SYT1: variants seen among roughly 807,000 people sequenced by gnomAD.
SYT1 encodes synaptotagmin 1.
In SYT1, 8 loss-of-function variants were observed where a neutral mutation model predicts 44.8. The observed-to-expected ratio is 0.18, with a 90% CI of 0.10 to 0.32. The LOEUF (loss-of-function observed/expected upper bound fraction) is 0.32, where lower values mean the gene tolerates loss of function less well. Among genes scored for constraint, SYT1 ranks in the 10% least tolerant of loss-of-function variants. The probability of loss-of-function intolerance (pLI) is 1.00; values close to 1 mark genes in which losing one functional copy is unlikely to be tolerated. For synonymous variants in SYT1, 154 were observed against 188.8 expected, an observed-to-expected ratio of 0.82 and a Z score of 1.51; for missense variants, 286 against 509.3, an observed-to-expected ratio of 0.56 and a Z score of 4.22.
At chr12:78,910,227 T>C (rs1294229904) in intron 1 of SYT1, among the ~76,000 whole-genome samples, 2 of 151,984 alleles carry the variant, frequency 1.3e-5, no homozygotes. Flanking sequence ...CCATGTGGCA[T>C]AGTAGGTGTT....
At chr12:79,017,177 A>G (rs1871863705) in intron 2 of SYT1, among the ~76,000 whole-genome samples, 1 of 152,198 alleles carries the variant, frequency 6.6e-6, no homozygotes, top group Non-Finnish European at 1.5e-5. Context: ...ATAGGTAGAT[A>G]TTCACTTTAA....
intron 3 of SYT1, among the ~76,000 whole-genome samples, chr12:79,123,905 A>T (rs1565816639): frequency 1.3e-5 from 2 of 152,214 alleles, no homozygotes; most frequent in Non-Finnish European, 2.9e-5. Flanking sequence ...GAGGAGGCTA[A>T]TTAAAGACTC....
chr12:79,360,950 G>A (rs1255247007), intron 9 of SYT1, among the ~76,000 whole-genome samples: 1 of 152,150 alleles, frequency 6.6e-6, no homozygotes, highest in African/African-American at 2.4e-5. Flanking sequence ...TCTGCCTGAA[G>A]GACTAAAAGT....
chr12:79,428,022 C>T (rs1179588144), intron 9 of SYT1, among the ~76,000 whole-genome samples: 1 of 152,174 alleles, frequency 6.6e-6, no homozygotes, highest in East Asian at 1.9e-4. Flanking sequence ...TTCAAAGTCA[C>T]AGGACTTCTG....
intron 8 of SYT1, among the ~76,000 whole-genome samples, chr12:79,349,186 A>AGGAAGGAAGGGGAAGGAAGGAACGAT (rs1882780608): frequency 6.6e-6 from 1 of 151,538 alleles, no homozygotes. Flanking sequence ...GACGGAGGGA[A>AGGAAGGAAGGGGAAGGAAGGAACGAT]GGAAGGAAGG....
intron 2 of SYT1, 49 bp downstream of exon 2, chr12:78,977,980 C>A (rs1868968574): frequency 6.6e-6 from 1 of 152,176 alleles, no homozygotes; most frequent in Non-Finnish European, 1.5e-5. Flanking sequence ...TGATCAACCT[C>A]CTTTATCCAT....
At chr12:79,376,038 T>C (rs761924191) in intron 9 of SYT1, among the ~76,000 whole-genome samples, 7 of 152,256 alleles carry the variant, frequency 4.6e-5, no homozygotes, top group Non-Finnish European at 2.9e-5. Context: ...ATAATGTTTA[T>C]TTTCTTGAGC....
chr12:79,046,155 A>C (rs1592697094), intron 2 of SYT1, among the ~76,000 whole-genome samples: 1 of 152,176 alleles, frequency 6.6e-6, no homozygotes, highest in South Asian at 2.1e-4. Flanking sequence ...TTCAAGCAGG[A>C]ATAAAGGAAA....
chr12:79,271,335 A>G (rs914701663), intron 4 of SYT1, among the ~76,000 whole-genome samples: 80 of 152,174 alleles, frequency 5.3e-4, no homozygotes, highest in African/African-American at 1.9e-3. Context: ...TCCGAGAGTT[A>G]TATTTTTATT....
chr12:79,041,739 C>T (rs1406213018), intron 2 of SYT1, among the ~76,000 whole-genome samples: 14 of 150,972 alleles, frequency 9.3e-5, no homozygotes, highest in African/African-American at 2.9e-4. Flanking sequence ...TTTGCCCATT[C>T]AGTATGATAT....
At chr12:78,881,087 T>G (rs772501298) in intron 1 of SYT1, among the ~76,000 whole-genome samples, 1 of 151,668 alleles carries the variant, frequency 6.6e-6, no homozygotes, top group Non-Finnish European at 1.5e-5. Flanking sequence ...ATTCTTCTGA[T>G]TGACATACAC....
intron 9 of SYT1, among the ~76,000 whole-genome samples, chr12:79,390,318 T>C (rs772199472): frequency 6.6e-6 from 1 of 152,206 alleles, no homozygotes; most frequent in Non-Finnish European, 1.5e-5. Flanking sequence ...ATAAGGTAAA[T>C]TCCTAGAAGT....
At chr12:78,963,051 A>G (rs1879593988) in intron 1 of SYT1, among the ~76,000 whole-genome samples, 1 of 152,122 alleles carries the variant, frequency 6.6e-6, no homozygotes, top group Non-Finnish European at 1.5e-5. Context: ...AATTAGAACC[A>G]TGAAGTATTT....
intron 1 of SYT1, among the ~76,000 whole-genome samples, chr12:78,866,797 T>C (rs1303761283): frequency 6.6e-6 from 1 of 152,196 alleles, no homozygotes; most frequent in Non-Finnish European, 1.5e-5. Context: ...AGAACTCCAC[T>C]TGATATAAGA....
intron 4 of SYT1, among the ~76,000 whole-genome samples, chr12:79,276,972 AAG>A (rs764071197): frequency 1.6e-4 from 22 of 139,572 alleles, no homozygotes; most frequent in Non-Finnish European, 2.6e-4. Flanking sequence ...GAGGAGGAGG[AAG>A]AGGAGGAGGA....
intron 9 of SYT1, among the ~76,000 whole-genome samples, chr12:79,401,433 C>T (rs1399185656): frequency 6.6e-6 from 1 of 152,052 alleles, no homozygotes; most frequent in Non-Finnish European, 1.5e-5. Flanking sequence ...TCTCATAATG[C>T]TTTCACTTCG....
At chr12:79,292,196 G>C in intron 6 of SYT1, 66 bp downstream of exon 6, 1 of 1,545,354 alleles carries the variant, frequency 6.5e-7, no homozygotes, top group Non-Finnish European at 8.8e-7. Flanking sequence ...AGAAATTGCA[G>C]CAAGATACCT....
intron 9 of SYT1, among the ~76,000 whole-genome samples, chr12:79,416,263 C>G (rs755590940): frequency 1.8e-4 from 27 of 152,178 alleles, no homozygotes; most frequent in South Asian, 6.2e-4. Flanking sequence ...CACATGATCA[C>G]AGTCATATGA....
At chr12:78,984,789 C>T (rs1425419893) in intron 2 of SYT1, among the ~76,000 whole-genome samples, 3 of 151,756 alleles carry the variant, frequency 2.0e-5, no homozygotes, top group Admixed American at 2.0e-4. Flanking sequence ...AAACATTATT[C>T]TAAGGTATTT....
Sources: gnomAD v4.1 joint callset for allele counts (sites outside exome capture counted in the v4.1 genomes callset) on GRCh38, gnomAD v4.1.1 for gene constraint, MANE v1.5 for transcripts, NCBI Gene and HGNC (gene_info 2026-07-23, HGNC 2026-07-21) for gene names.